The following TTC19 variants were observed in gnomAD, a reference collection of about 807,000 sequenced individuals.
TTC19 encodes the protein tetratricopeptide repeat domain 19, also known as tetratricopeptide repeat protein 19, mitochondrial.
Under a neutral mutation model 49.5 loss-of-function variants are expected in TTC19, and 38 were observed. That is an observed-to-expected ratio of 0.77 (90% CI 0.59 to 1.01). The LOEUF (loss-of-function observed/expected upper bound fraction) is 1.01, where lower values mean the gene tolerates loss of function less well. Among genes scored for constraint, TTC19 ranks in the 50% least tolerant of loss-of-function variants. The probability of loss-of-function intolerance (pLI) is 0.00; values close to 1 mark genes in which losing one functional copy is unlikely to be tolerated. For missense variants in TTC19, 475 were observed against 477.7 expected (o/e 0.99, Z 0.05); for synonymous variants, 204 against 185.2 (o/e 1.10, Z -0.83).
chr17:16,024,270 T>TTAA (rs984160452), intron 7 of TTC19: 1 of 149,864 alleles, frequency 6.7e-6, no homozygotes, highest in Admixed American at 6.8e-5. Context: ...GATTAGCTTG[T>TTAA]TTAAATTTTA....
downstream of TTC19, among the ~76,000 whole-genome samples, chr17:16,033,071 C>T (rs1407058818): frequency 2.0e-5 from 3 of 152,144 alleles, no homozygotes; most frequent in Admixed American, 6.5e-5. Context: ...ACAGGCTGGG[C>T]GCAGTGGCTC....
intron 2 of TTC19, among the ~76,000 whole-genome samples, chr17:16,000,644 C>T (rs1343598829): frequency 6.6e-6 from 1 of 152,152 alleles, no homozygotes; most frequent in Non-Finnish European, 1.5e-5. Flanking sequence ...CTGAATTCTT[C>T]CTTTTCTCCA....
downstream of TTC19, among the ~76,000 whole-genome samples, chr17:16,034,265 C>T (rs1478186624): frequency 6.6e-6 from 1 of 152,036 alleles, no homozygotes; most frequent in Admixed American, 6.6e-5. Context: ...TCAGGCTTTG[C>T]ATTCTAAAAA....
chr17:16,003,118 G>A (rs750079299), intron 4 of TTC19, among the ~76,000 whole-genome samples: 1 of 152,180 alleles, frequency 6.6e-6, no homozygotes, highest in Non-Finnish European at 1.5e-5. Flanking sequence ...CTGCAGGAAG[G>A]GGGAGAAGAT....
intron 7 of TTC19, among the ~76,000 whole-genome samples, chr17:16,015,441 C>T (rs1971186579): frequency 6.6e-6 from 1 of 152,092 alleles, no homozygotes; most frequent in Non-Finnish European, 1.5e-5. Flanking sequence ...GCATATTTTA[C>T]ACTACTCTTA....
intron 2 of TTC19, chr17:16,039,550 C>T: frequency 1.2e-6 from 2 of 1,614,158 alleles, no homozygotes; most frequent in Non-Finnish European, 1.7e-6. Flanking sequence ...CCATGATCCT[C>T]AACTTTGTCA....
rs1037588229 is a variant in TTC19 at position 16,029,251 on chromosome 17, GAC to G, written c.*1731_*1732del. On this transcript the variant is annotated 3_prime_UTR_variant, in exon 10 of 10. Coordinates refer to ENST00000261647, the MANE Select transcript of TTC19 (RefSeq NM_017775.4). The stretch of plus-strand genomic sequence containing the variant: ...TGTTGGAAACACTAGGAGTTTTCAG[GAC>G]AGTCTCTTCATGTGGGTGTTTTCAT... The G allele has an allele frequency of 8.8e-6, 4 of 453,712 alleles. No homozygotes were observed. The highest frequency in any genetic ancestry group is 2.0e-5 in the African/African-American group (1 of 49,962). 28.1% of individuals were successfully genotyped at this position (453,712 alleles called of 1,614,324 possible). A position where few individuals can be genotyped will look rare whatever the true frequency, so the allele number is the denominator to read the frequency against.
At chr17:16,016,064 G>C (rs1971204439) in intron 7 of TTC19, among the ~76,000 whole-genome samples, 1 of 151,812 alleles carries the variant, frequency 6.6e-6, no homozygotes, top group South Asian at 2.1e-4. Flanking sequence ...TCTCCTGTTT[G>C]CTTTGGGTTT....
chr17:16,040,228 C>T, intron 2 of TTC19: 1 of 659,748 alleles, frequency 1.5e-6, no homozygotes, highest in South Asian at 1.5e-5. Flanking sequence ...TAGTTTCATT[C>T]TTTTTGTTCA....
intron 7 of TTC19, among the ~76,000 whole-genome samples, chr17:16,022,296 G>A (rs1022234223): frequency 6.6e-6 from 1 of 152,172 alleles, no homozygotes; most frequent in South Asian, 2.1e-4. Context: ...CAGCTGTGCA[G>A]GGAAAGGATG....
At chr17:16,033,987 C>T (rs767281338), downstream of TTC19, among the ~76,000 whole-genome samples, 3 of 152,152 alleles carry the variant, frequency 2.0e-5, no homozygotes, top group Non-Finnish European at 2.9e-5. Context: ...TGAGCCACCG[C>T]GCCCAGCTAG....
chr17:16,032,251 C>CTA, downstream of TTC19: 1 of 1,511,382 alleles, frequency 6.6e-7, no homozygotes, highest in South Asian at 1.4e-5. Flanking sequence ...ACCACAAAAA[C>CTA]TAGAGATCCC....
rs1340264678 is a variant in TTC19 at position 16,039,258 on chromosome 17, A to AT, written c.248-5243dup. Reference sequence around the variant, plus strand: ...TTTCTTCCATTTTATTTCTGTTCATATTATAATGTCTGGGTAGGTTTTCAA... The same window carrying AT: ...TTTCTTCCATTTTATTTCTGTTCATATTTATAATGTCTGGGTAGGTTTTCAA... On this transcript the variant is annotated intron_variant, in intron 2 of 2. Transcript: ENST00000470649. 10 of 621,280 alleles carry AT rather than the reference A, an allele frequency of 1.6e-5. No homozygotes were observed. In the East Asian group the frequency reaches 2.8e-4, roughly 18 times the overall value. The allele number at this position is 621,280 out of a possible 1,614,324, so 38.5% of individuals were successfully genotyped here.
chr17:16,034,722 T>A (rs764309118), intron 2 of TTC19: 1 of 1,516,434 alleles, frequency 6.6e-7, no homozygotes, highest in Non-Finnish European at 9.0e-7. Flanking sequence ...GACATTGATA[T>A]TATTGCTCTG....
Position 16,027,572 on chromosome 17 carries a change from T to TATC in TTC19, c.*53_*55dup. Reference sequence around the variant, plus strand: ...ATGTCTAGTAATGTGGAAGAATAGCTATCATTCCTGTCTCTGTGGCACCCG... The same window carrying TATC: ...ATGTCTAGTAATGTGGAAGAATAGCTATCATCATTCCTGTCTCTGTGGCACCCG... On this transcript the variant is annotated 3_prime_UTR_variant, in exon 10 of 10. Coordinates refer to ENST00000261647, the MANE Select transcript of TTC19 (RefSeq NM_017775.4). 6.3e-7 allele frequency: 1 copy of TATC among 1,599,794 alleles called. No individual in the cohort carries two copies. Among genetic ancestry groups the TATC allele is most frequent in the African/African-American group, 1.3e-5 (1 of 74,662 alleles).
intron 2 of TTC19, chr17:16,034,884 A>G (rs1237104643): frequency 3.1e-6 from 5 of 1,614,164 alleles, no homozygotes; most frequent in Non-Finnish European, 4.2e-6. Flanking sequence ...TTGCCCAGGT[A>G]TAGGAGACTT....
chr17:16,032,194 G>C, downstream of TTC19: 1 of 1,187,246 alleles, frequency 8.4e-7, no homozygotes, highest in Non-Finnish European at 1.1e-6. Context: ...AAGTCTCAGG[G>C]AATAAGTCAC....
At chr17:16,034,997 C>A (rs900448121) in intron 2 of TTC19, 28 of 1,534,978 alleles carry the variant, frequency 1.8e-5, no homozygotes, top group Non-Finnish European at 2.5e-5. Flanking sequence ...TCAAAAATTA[C>A]CAAAATGCTA....
intron 2 of TTC19, chr17:16,044,295 C>T (rs139889490): frequency 1.1e-4 from 49 of 429,816 alleles, no homozygotes; most frequent in African/African-American, 9.2e-4. Flanking sequence ...TAATTAAGAG[C>T]GAGGACAAGT....
Sources: gnomAD v4.1 joint callset for allele counts (sites outside exome capture counted in the v4.1 genomes callset) on GRCh38, gnomAD v4.1.1 for gene constraint, MANE v1.5 for transcripts, NCBI Gene and HGNC (gene_info 2026-07-23, HGNC 2026-07-21) for gene names.